The following LIMD1 variants were observed in gnomAD, a reference collection of about 807,000 sequenced individuals.
The protein encoded by LIMD1 is LIM domain containing 1.
LIMD1 carries 23 observed loss-of-function variants against 58.4 expected under a neutral mutation model. The ratio of observed to expected loss-of-function variants is 0.39; its 90% CI spans 0.28 to 0.56. LIMD1 has a LOEUF of 0.56. Among genes scored for constraint, LIMD1 ranks in the 20% least tolerant of loss-of-function variants. LIMD1 has a pLI of 0.57. For synonymous variants in LIMD1, 334 were observed against 345.5 expected (o/e 0.97, Z 0.37); for missense variants, 838 against 855.5 (o/e 0.98, Z 0.25).
chr3:45,611,304 T>C (rs754982571), intron 1 of LIMD1, among the ~76,000 whole-genome samples: 17 of 152,224 alleles, frequency 1.1e-4, no homozygotes, highest in Non-Finnish European at 2.4e-4. Flanking sequence ...GATGGCAGGC[T>C]GCTCCCACGC....
chr3:45,678,174 CTGTT>C lies in LIMD1; in HGVS notation c.*1117_*1120del, dbSNP rs1318892566. The C allele has an allele frequency of 1.3e-5, 2 of 152,612 alleles. No homozygotes were observed. Among genetic ancestry groups the C allele is most frequent in the Non-Finnish European group, 2.9e-5 (2 of 68,046 alleles). The allele number at this position is 152,612 out of a possible 1,614,324, so 9.5% of individuals were successfully genotyped here. On this transcript the variant is annotated 3_prime_UTR_variant, in exon 8 of 8. Coordinates refer to ENST00000273317, the MANE Select transcript of LIMD1 (RefSeq NM_014240.3). Reference sequence around the variant, plus strand: ...CCAGGATAAGGTACACTGCTTTTGTCTGTTTAATTTTTTTAGTTGTTTCCCTTCA... The same window carrying C: ...CCAGGATAAGGTACACTGCTTTTGTCTAATTTTTTTAGTTGTTTCCCTTCA...
At chr3:45,603,353 A>G (rs549568528) in intron 1 of LIMD1, among the ~76,000 whole-genome samples, 2 of 152,118 alleles carry the variant, frequency 1.3e-5, no homozygotes, top group Non-Finnish European at 2.9e-5. Context: ...GCCTCCTCCC[A>G]TATCAGGCAT....
Position 45,684,533 on chromosome 3 carries a change from C to T in LIMD1, c.*7474C>T, listed in dbSNP as rs929447215. On this transcript the variant is annotated 3_prime_UTR_variant, in exon 8 of 8. Transcript: ENST00000273317. ...AGTTTAACAGGCAGAAAAAAGAGAA[C>T]AGCTCCCCCATGCAGAGGGAGGAGG... The T allele has an allele frequency of 6.6e-6, 1 of 152,202 alleles. No individual in the cohort carries two copies. The highest frequency in any genetic ancestry group is 1.9e-4 in the East Asian group (1 of 5,198). The allele number at this position is 152,202 out of a possible 1,614,324, so 9.4% of individuals were successfully genotyped here. A position where few individuals can be genotyped will look rare whatever the true frequency, so the allele number is the denominator to read the frequency against.
chr3:45,633,885 C>T (rs1701761124), intron 1 of LIMD1, among the ~76,000 whole-genome samples: 1 of 152,146 alleles, frequency 6.6e-6, no homozygotes, highest in South Asian at 2.1e-4. Flanking sequence ...CTCTGAAACA[C>T]AGGGCTTTCT....
intron 4 of LIMD1, among the ~76,000 whole-genome samples, chr3:45,669,400 A>G (rs569537162): frequency 1.3e-5 from 2 of 152,234 alleles, no homozygotes; most frequent in Non-Finnish European, 2.9e-5. Context: ...ATAATTTCTA[A>G]TTATTAGTAT....
At chr3:45,603,703 A>G (rs1346410967) in intron 1 of LIMD1, among the ~76,000 whole-genome samples, 2 of 152,072 alleles carry the variant, frequency 1.3e-5, no homozygotes, top group South Asian at 2.1e-4. Flanking sequence ...GAGTCTCACC[A>G]TATTGCTTAG....
chr3:45,625,386 C>T (rs904627223), intron 1 of LIMD1, among the ~76,000 whole-genome samples: 1 of 152,132 alleles, frequency 6.6e-6, no homozygotes, highest in African/African-American at 2.4e-5. Context: ...AAGCATGGAA[C>T]ACAGTTGTGT....
Position 45,686,315 on chromosome 3 carries a change from A to C in LIMD1, c.*9256A>C, listed in dbSNP as rs1440632459. On this transcript the variant is annotated 3_prime_UTR_variant, in exon 8 of 8. Transcript: ENST00000273317. ...GTTAGCCGTCTCTCGGTCGCTGGCT[A>C]ATAAAGGACTCTTAATTCGTCTTAA... 1 of 151,836 alleles carries C rather than the reference A, an allele frequency of 6.6e-6. No homozygotes were observed. The highest frequency in any genetic ancestry group is 2.4e-5 in the African/African-American group (1 of 41,278). The allele number at this position is 151,836 out of a possible 1,614,324, so 9.4% of individuals were successfully genotyped here. A position where few individuals can be genotyped will look rare whatever the true frequency, so the allele number is the denominator to read the frequency against.
intron 2 of LIMD1, 82 bp from the exon 3 acceptor site, chr3:45,665,568 A>T: frequency 9.0e-7 from 1 of 1,107,318 alleles, no homozygotes; most frequent in South Asian, 1.3e-5. Flanking sequence ...CTGCCTAAAG[A>T]TTTTGCTTTT....
intron 2 of LIMD1, among the ~76,000 whole-genome samples, chr3:45,655,780 C>T (rs1474874605): frequency 6.6e-6 from 1 of 152,196 alleles, no homozygotes; most frequent in Non-Finnish European, 1.5e-5. Context: ...TCTGCCAAAG[C>T]CGCAGCAGCT....
At chr3:45,628,339 G>A (rs897790192) in intron 1 of LIMD1, among the ~76,000 whole-genome samples, 3 of 152,144 alleles carry the variant, frequency 2.0e-5, no homozygotes, top group Non-Finnish European at 4.4e-5. Context: ...AAAAAAACAG[G>A]CAAAAGATTT....
chr3:45,666,702 C>T (rs1051218498), intron 3 of LIMD1, among the ~76,000 whole-genome samples: 1 of 152,178 alleles, frequency 6.6e-6, no homozygotes, highest in Non-Finnish European at 1.5e-5. Flanking sequence ...AGTATGTCTG[C>T]TTACAAGTCT....
chr3:45,611,947 G>C (rs1302759874), intron 1 of LIMD1, among the ~76,000 whole-genome samples: 10 of 152,156 alleles, frequency 6.6e-5, no homozygotes, highest in Admixed American at 6.5e-4. Flanking sequence ...CAAATTTGTA[G>C]CCAGAGAGCA....
rs1697683204 is a variant in LIMD1 at position 45,677,162 on chromosome 3, G to A, written c.*103G>A. On this transcript the variant is annotated 3_prime_UTR_variant, in exon 8 of 8. Transcript: ENST00000273317. ...GGAAGTGGGGTAGGGGAAGAGGAGG[G>A]GCAGGAGGGAGAGTTCCTGTGAGCA... The A allele has an allele frequency of 5.2e-6, 7 of 1,358,616 alleles. No individual in the cohort carries two copies. Among genetic ancestry groups the A allele is most frequent in the Non-Finnish European group, 7.1e-6 (7 of 980,924 alleles). 84.2% of individuals were successfully genotyped at this position (1,358,616 alleles called of 1,614,324 possible). A position where few individuals can be genotyped will look rare whatever the true frequency, so the allele number is the denominator to read the frequency against.
intron 2 of LIMD1, among the ~76,000 whole-genome samples, chr3:45,640,334 TC>T (rs1290288452): frequency 1.3e-5 from 2 of 152,236 alleles, no homozygotes; most frequent in African/African-American, 4.8e-5. Context: ...CTCAAATGCC[TC>T]CTCTTCCAGG....
intron 2 of LIMD1, among the ~76,000 whole-genome samples, chr3:45,644,800 G>A (rs1701884437): frequency 6.6e-6 from 1 of 152,202 alleles, no homozygotes; most frequent in Non-Finnish European, 1.5e-5. Flanking sequence ...TTCAGGTTCA[G>A]CCGCTGCCTT....
At chr3:45,645,562 G>C (rs6441926) in intron 2 of LIMD1, among the ~76,000 whole-genome samples, 33,318 of 152,092 alleles carry the variant, frequency 0.22, 4,209 homozygotes, top group Non-Finnish European at 0.29. Flanking sequence ...CTTCTCAAGT[G>C]GAAGAGGAGA....
chr3:45,641,555 G>T (rs1197075627), intron 2 of LIMD1, among the ~76,000 whole-genome samples: 1 of 149,894 alleles, frequency 6.7e-6, no homozygotes, highest in Non-Finnish European at 1.5e-5. Flanking sequence ...ATGGCATATG[G>T]AGGTATCTGT....
chr3:45,620,191 C>T (rs1431239929), intron 1 of LIMD1, among the ~76,000 whole-genome samples: 2 of 152,084 alleles, frequency 1.3e-5, no homozygotes, highest in Non-Finnish European at 2.9e-5. Context: ...TGCAAAGATC[C>T]TGGGAAACAT....
Sources: allele counts gnomAD v4.1 joint callset (sites outside exome capture counted in the v4.1 genomes callset), GRCh38; gene constraint gnomAD v4.1.1; transcripts MANE v1.5; gene names NCBI Gene and HGNC (gene_info 2026-07-23, HGNC 2026-07-21).